Variants in KANK1 observed in about 807,000 individuals in gnomAD.
The protein encoded by KANK1 is KN motif and ankyrin repeat domain-containing protein 1.
In KANK1, 109 loss-of-function variants were observed where a neutral mutation model predicts 106.2. That is an observed-to-expected ratio of 1.03 (90% CI 0.88 to 1.20). The LOEUF (loss-of-function observed/expected upper bound fraction) is 1.20, where lower values mean the gene tolerates loss of function less well. Among genes scored for constraint, KANK1 ranks in the 50% most tolerant of loss-of-function variants. The probability of loss-of-function intolerance (pLI) is 0.00; values close to 1 mark genes in which losing one functional copy is unlikely to be tolerated. For synonymous variants in KANK1, 873 were observed against 652.2 expected (o/e 1.34, Z -5.16); for missense variants, 2,399 against 1,710.7 (o/e 1.40, Z -7.10).
intron 3 of KANK1, among the ~76,000 whole-genome samples, chr9:485,007 T>A (rs1356085836): frequency 1.3e-5 from 2 of 152,036 alleles, no homozygotes; most frequent in Admixed American, 1.3e-4. Context: ...CAGATTTGAG[T>A]TCAGAGAGGC....
At chr9:676,377 G>C (rs1007614961) in intron 1 of KANK1, among the ~76,000 whole-genome samples, 1 of 152,194 alleles carries the variant, frequency 6.6e-6, no homozygotes, top group Non-Finnish European at 1.5e-5. Context: ...TTGTGCTTTA[G>C]AAAGGTGGTT....
At position 586,619 on chromosome 9, in the gene KANK1, C is replaced by T. The variant is rs117922958; in HGVS notation, c.-84+81865C>T. Among the ~76,000 whole-genome samples the T allele has an allele frequency of 1.4e-4, 22 of 152,020 alleles. 1 individual carries two copies. In the East Asian group the frequency reaches 4.1e-3, roughly 28 times the overall value. ...AGCCATGTGTGTGTTATGGAGTGGT[C>T]TGAGTAAGTATGATAGACATTAAAA... On this transcript the variant is annotated intron_variant, in intron 1 of 11. Coordinates refer to ENST00000382297, the MANE Select transcript of KANK1 (RefSeq NM_015158.5).
chr9:648,507 T>C (rs758382767), intron 1 of KANK1, among the ~76,000 whole-genome samples: 16 of 152,172 alleles, frequency 1.1e-4, no homozygotes, highest in Non-Finnish European at 2.1e-4. Flanking sequence ...AGAAGTATGA[T>C]AATTAAAAAT....
upstream of KANK1, chr9:504,689 T>G (rs2058646062): frequency 6.8e-6 from 1 of 147,134 alleles, no homozygotes; most frequent in Non-Finnish European, 1.5e-5. Flanking sequence ...CGCCCCGCCC[T>G]TCCCCGAGCT....
chr9:611,538 C>A (rs575984414), intron 1 of KANK1, among the ~76,000 whole-genome samples: 2 of 152,328 alleles, frequency 1.3e-5, no homozygotes, highest in South Asian at 4.1e-4. Flanking sequence ...GAGGAAGTTA[C>A]ATTTCACTTC....
At chr9:506,147 C>G (rs550779863) in intron 1 of KANK1, among the ~76,000 whole-genome samples, 1 of 152,298 alleles carries the variant, frequency 6.6e-6, no homozygotes, top group South Asian at 2.1e-4. Context: ...AACCCCTATA[C>G]CGATTAGCAG....
intron 1 of KANK1, among the ~76,000 whole-genome samples, chr9:575,817 G>A (rs1235800829): frequency 1.3e-5 from 2 of 152,232 alleles, no homozygotes; most frequent in Non-Finnish European, 2.9e-5. Flanking sequence ...GAGGTCAGGA[G>A]TTCAAGACCA....
intron 1 of KANK1, among the ~76,000 whole-genome samples, chr9:671,080 G>A (rs778419917): frequency 4.0e-5 from 6 of 151,548 alleles, no homozygotes; most frequent in Admixed American, 1.3e-4. Context: ...TTATTCTGTG[G>A]GGAGAAGTGA....
chr9:663,124 A>G (rs376827650), intron 1 of KANK1, among the ~76,000 whole-genome samples: 1 of 152,216 alleles, frequency 6.6e-6, no homozygotes, highest in African/African-American at 2.4e-5. Context: ...CAAGAATCCA[A>G]TCTCAGTGGA....
At chr9:574,015 CTG>C (rs770594040) in intron 1 of KANK1, among the ~76,000 whole-genome samples, 9 of 152,254 alleles carry the variant, frequency 5.9e-5, no homozygotes, top group Middle Eastern at 3.2e-3. Context: ...CGCCGCAGCT[CTG>C]TGCTTCCAAG....
rs75034673 is a variant in KANK1 at position 711,359 on chromosome 9, C to G, written c.593C>G (p.Ser198Cys). The change falls in exon 3 of 12, where the codon TCT becomes TGT. Residue 198 changes from serine to cysteine, a missense_variant. Physicochemically the swap from Ser to Cys is moderately radical, Grantham distance 112. Transcript: ENST00000382297. ...ATGGGCACCACAAGCTCCCTCCCTT[C>G]TTTTGTGGGTTCTGGAAACCACAAT... ...GGMGTTSSLP[S>C]FVGSGNHNPA... 1.2e-6 allele frequency: 2 copies of G among 1,614,136 alleles called. No homozygotes were observed. Among genetic ancestry groups the G allele is most frequent in the East Asian group, 2.2e-5 (1 of 44,876 alleles).
chr9:718,288 C>G (rs1025764381), intron 3 of KANK1, among the ~76,000 whole-genome samples: 1 of 134,094 alleles, frequency 7.5e-6, no homozygotes, highest in Admixed American at 7.5e-5. Context: ...GTGTAGGTAA[C>G]TTGCTGTGTC....
At chr9:717,769 C>A (rs906081595) in intron 3 of KANK1, among the ~76,000 whole-genome samples, 2 of 151,790 alleles carry the variant, frequency 1.3e-5, no homozygotes, top group Non-Finnish European at 2.9e-5. Flanking sequence ...TTACTATTTT[C>A]TTCTAGAGAG....
At chr9:597,056 T>C (rs1161294583) in intron 1 of KANK1, among the ~76,000 whole-genome samples, 2 of 151,982 alleles carry the variant, frequency 1.3e-5, no homozygotes, top group Non-Finnish European at 2.9e-5. Context: ...CATGTTGTAA[T>C]GTCTTAGCCA....
chr9:564,403 T>G (rs1480697337), intron 1 of KANK1, among the ~76,000 whole-genome samples: 3 of 152,136 alleles, frequency 2.0e-5, no homozygotes, highest in Non-Finnish European at 4.4e-5. Flanking sequence ...GTAAAACTTT[T>G]TCTCACCAGA....
At chr9:520,258 A>G (rs768710027) in intron 1 of KANK1, among the ~76,000 whole-genome samples, 4 of 151,816 alleles carry the variant, frequency 2.6e-5, no homozygotes, top group African/African-American at 7.3e-5. Context: ...GGATCACCTC[A>G]GCCTGGGGAG....
intron 1 of KANK1, among the ~76,000 whole-genome samples, chr9:639,147 C>T (rs10491594): frequency 0.13 from 19,935 of 151,978 alleles, 2,060 homozygotes; most frequent in East Asian, 0.29. Flanking sequence ...TAGGCTTCAA[C>T]AGGTCTCTTC....
Position 711,171 on chromosome 9 carries a change from A to C in KANK1, c.405A>C (p.Pro135=), listed in dbSNP as rs1229898462. Residue 135 remains proline, a synonymous_variant, in exon 3 of 12, where the codon CCA becomes CCC. Coordinates refer to ENST00000382297, the MANE Select transcript of KANK1 (RefSeq NM_015158.5). ...LETSLPFLTI[P]ENRQLPPPSP... ...CCTCACTCCCTTTTCTTACCATCCC[A>C]GAAAATCGACAGCTGCCACCTCCCT... The C allele has an allele frequency of 6.2e-7, 1 of 1,614,034 alleles. No individual in the cohort carries two copies. Among genetic ancestry groups the C allele is most frequent in the East Asian group, 2.2e-5 (1 of 44,892 alleles).
At chr9:511,458 C>A (rs1220499013) in intron 1 of KANK1, among the ~76,000 whole-genome samples, 1 of 152,148 alleles carries the variant, frequency 6.6e-6, no homozygotes, top group African/African-American at 2.4e-5. Flanking sequence ...GGCACAGTTA[C>A]TAAACCTCTC....
Sources: allele counts gnomAD v4.1 joint callset (sites outside exome capture counted in the v4.1 genomes callset), GRCh38; gene constraint gnomAD v4.1.1; transcripts MANE v1.5; gene names NCBI Gene and HGNC (gene_info 2026-07-23, HGNC 2026-07-21).